The following FXR1 variants were observed in gnomAD, a reference collection of about 807,000 sequenced individuals.
FXR1 encodes RNA-binding protein FXR1.
A neutral mutation model predicts 84.0 loss-of-function variants in FXR1; 15 were observed. The observed-to-expected ratio is 0.18, with a 90% confidence interval of 0.12 to 0.27. The LOEUF (loss-of-function observed/expected upper bound fraction) is 0.27. FXR1 is among the 10% of genes least tolerant of loss of function. The pLI is 1.00. For synonymous variants in FXR1, 245 were observed against 250.7 expected (o/e 0.98, Z 0.21); for missense variants, 480 against 774.4 (o/e 0.62, Z 4.51).
Position 180,947,854 on chromosome 3 carries a change from T to C in FXR1, c.199-11T>C, listed in dbSNP as rs750981379. On this transcript the variant is annotated splice_polypyrimidine_tract_variant and intron_variant, in intron 3 of 16. Coordinates refer to ENST00000357559, the MANE Select transcript of FXR1 (RefSeq NM_005087.4). Reference sequence around the variant, plus strand: ...GGATGAATGGATATAGGCATTTTTTTTTCTTCTCAGGTATATTCAAGAGCA... The same window carrying C: ...GGATGAATGGATATAGGCATTTTTTCTTCTTCTCAGGTATATTCAAGAGCA... 3.7e-5 allele frequency: 58 copies of C among 1,558,738 alleles called. No individual in the cohort carries two copies. Among genetic ancestry groups the C allele is most frequent in the East Asian group, 2.0e-4 (9 of 44,354 alleles).
rs1364564868 is a variant in FXR1, at chr3:180,978,154, A to G, written c.*1862A>G. On this transcript the variant is annotated 3_prime_UTR_variant, in exon 17 of 17. Coordinates refer to ENST00000357559, the MANE Select transcript of FXR1 (RefSeq NM_005087.4). ...ATTATAAGGTATTAGAAGAATTTTA[A>G]TTAATGCCAAATTGGTAAATATGGT... The G allele has an allele frequency of 1.3e-5, 2 of 151,004 alleles. No individual in the cohort carries two copies. Among genetic ancestry groups the G allele is most frequent in the Non-Finnish European group, 2.9e-5 (2 of 67,882 alleles). 9.4% of individuals were successfully genotyped at this position (151,004 alleles called of 1,614,324 possible).
At chr3:180,948,031 T>C in intron 4 of FXR1, 95 bp downstream of exon 4, 1 of 719,042 alleles carries the variant, frequency 1.4e-6, no homozygotes, top group Admixed American at 2.4e-5. Flanking sequence ...TAGTTTTATT[T>C]CTAAAAGCCT....
intron 1 of FXR1, among the ~76,000 whole-genome samples, chr3:180,926,134 AAGT>A (rs1719148418): frequency 6.6e-6 from 1 of 152,186 alleles, no homozygotes; most frequent in Non-Finnish European, 1.5e-5. Flanking sequence ...GGCATAAAAA[AAGT>A]AATTTCTGAC....
intron 1 of FXR1, among the ~76,000 whole-genome samples, chr3:180,929,890 A>C (rs1443022124): frequency 3.3e-5 from 5 of 152,364 alleles, no homozygotes; most frequent in Admixed American, 3.3e-4. Context: ...ATCGTTCACT[A>C]CAGTCCAAAT....
At chr3:180,974,439 G>T (rs1289847377) in intron 15 of FXR1, among the ~76,000 whole-genome samples, 1 of 152,114 alleles carries the variant, frequency 6.6e-6, no homozygotes, top group African/African-American at 2.4e-5. Flanking sequence ...CACCATGCCC[G>T]GCCCTAAGTT....
chr3:180,970,849 T>C (rs1202347485), intron 15 of FXR1, among the ~76,000 whole-genome samples: 1 of 152,196 alleles, frequency 6.6e-6, no homozygotes, highest in Non-Finnish European at 1.5e-5. Flanking sequence ...TGAGTTTTAC[T>C]GTGAGTTAAA....
chr3:180,948,153 C>G (rs865788059), intron 4 of FXR1, 194 bp from the exon 5 acceptor site: 5 of 613,888 alleles, frequency 8.1e-6, no homozygotes, highest in Non-Finnish European at 1.4e-5. Flanking sequence ...ATGTAAGGAC[C>G]GCCAAGGTTC....
chr3:180,947,251 T>G (rs1721795005), intron 3 of FXR1, among the ~76,000 whole-genome samples: 1 of 152,208 alleles, frequency 6.6e-6, no homozygotes, highest in Non-Finnish European at 1.5e-5. Flanking sequence ...TTTACCGTGT[T>G]GGTCAGCCTT....
chr3:180,912,886 A>C, intron 1 of FXR1, 150 bp downstream of exon 1: 2 of 1,403,442 alleles, frequency 1.4e-6, no homozygotes, highest in Non-Finnish European at 2.0e-6. Flanking sequence ...TCCCCCCTCC[A>C]CCCGCGGTTT....
rs1012776452 is a variant in FXR1, at chr3:180,978,396, T to C, written c.*2104T>C. 2.6e-5 allele frequency: 4 copies of C among 152,088 alleles called. No homozygotes were observed. The highest frequency in any genetic ancestry group is 5.9e-5 in the Non-Finnish European group (4 of 67,986). The allele number at this position is 152,088 out of a possible 1,614,324, so 9.4% of individuals were successfully genotyped here. The stretch of plus-strand genomic sequence containing the variant: ...CCAATGTCTTGTCCTTTAAAAAATA[T>C]AGGTAGTGCAGAATTGTGATAAATA... On this transcript the variant is annotated 3_prime_UTR_variant, in exon 17 of 17. Transcript: ENST00000357559.
chr3:180,913,260 G>C (rs1265044151), intron 1 of FXR1, among the ~76,000 whole-genome samples: 1 of 152,218 alleles, frequency 6.6e-6, no homozygotes, highest in Non-Finnish European at 1.5e-5. Flanking sequence ...CAAATCTTTA[G>C]TGTCTGAGGA....
In FXR1 at chr3:180,942,787, G is replaced by A. The variant is rs144414266; in HGVS notation, c.199-5078G>A. Among the ~76,000 whole-genome samples the A allele has an allele frequency of 4.8e-3, 734 of 152,234 alleles. 7 individuals are homozygous for A. Among genetic ancestry groups the A allele is most frequent in the African/African-American group, 0.017 (712 of 41,544 alleles). ...TAAAATCTGAGGAAAAGGAATTTCT[G>A]TGGGGCGCTGTTATTCAATGACAGA... On this transcript the variant is annotated intron_variant, in intron 3 of 16. Coordinates refer to ENST00000357559, the MANE Select transcript of FXR1 (RefSeq NM_005087.4).
At chr3:180,915,616 G>GT (rs777533349) in intron 1 of FXR1, 45 of 765,438 alleles carry the variant, frequency 5.9e-5, no homozygotes, top group African/African-American at 5.8e-4. Flanking sequence ...TTTTTTGGTG[G>GT]TTTTTCAATG....
rs151005037 is a variant in FXR1 at position 180,939,026 on chromosome 3, C to T, written c.198+3795C>T. Among the ~76,000 whole-genome samples the T allele has an allele frequency of 5.5e-3, 839 of 152,050 alleles. 2 individuals are homozygous for T. Among genetic ancestry groups the T allele is most frequent in the Non-Finnish European group, 7.9e-3 (540 of 67,986 alleles). On this transcript the variant is annotated intron_variant, in intron 3 of 16. Transcript: ENST00000357559. Reference sequence around the variant, plus strand: ...TTGTCGTGCCTTGGCCTCTGAGTAGCTGGAATTACAGGTGTGAGCCACAAT... The same window carrying T: ...TTGTCGTGCCTTGGCCTCTGAGTAGTTGGAATTACAGGTGTGAGCCACAAT...
At chr3:180,958,822 T>G in intron 10 of FXR1, among the ~76,000 whole-genome samples, 1 of 150,670 alleles carries the variant, frequency 6.6e-6, no homozygotes, top group South Asian at 2.1e-4. Context: ...TTTTTTTTTT[T>G]CCTGGAGACA....
chr3:180,944,480 C>G (rs1004979138), intron 3 of FXR1, among the ~76,000 whole-genome samples: 14 of 151,866 alleles, frequency 9.2e-5, no homozygotes, highest in African/African-American at 3.4e-4. Context: ...ACCAACCACA[C>G]CTGGCTAATT....
intron 3 of FXR1, among the ~76,000 whole-genome samples, chr3:180,944,484 G>A (rs1342920253): frequency 1.3e-5 from 2 of 151,536 alleles, no homozygotes; most frequent in South Asian, 2.1e-4. Context: ...ACCACACCTG[G>A]CTAATTAAAA....
intron 13 of FXR1, among the ~76,000 whole-genome samples, chr3:180,966,690 A>C (rs1053659294): frequency 1.3e-5 from 2 of 152,160 alleles, no homozygotes; most frequent in Non-Finnish European, 2.9e-5. Flanking sequence ...CCACAGGGGG[A>C]AAAAATAACA....
intron 2 of FXR1, among the ~76,000 whole-genome samples, chr3:180,934,611 G>A (rs991196209): frequency 6.6e-6 from 1 of 152,128 alleles, no homozygotes; most frequent in Non-Finnish European, 1.5e-5. Context: ...TTGTAATTCA[G>A]CTATTCAAAA....
Sources: gnomAD v4.1 joint callset for allele counts (sites outside exome capture counted in the v4.1 genomes callset) on GRCh38, gnomAD v4.1.1 for gene constraint, MANE v1.5 for transcripts, NCBI Gene and HGNC (gene_info 2026-07-23, HGNC 2026-07-21) for gene names.